Variants in KYNU observed in about 807,000 individuals in gnomAD.
KYNU encodes the protein kynureninase.
A neutral mutation model predicts 59.2 loss-of-function variants in KYNU; 54 were observed. The ratio of observed to expected loss-of-function variants is 0.91; its 90% CI spans 0.73 to 1.14. KYNU has a LOEUF of 1.14. KYNU is among the 50% of genes most tolerant of loss of function. KYNU has a pLI of 0.00. For missense variants in KYNU, 567 were observed against 554.4 expected (o/e 1.02, Z -0.23); for synonymous variants, 177 against 192.0 (o/e 0.92, Z 0.65).
intron 2 of KYNU, among the ~76,000 whole-genome samples, chr2:142,898,476 A>G (rs1681960060): frequency 1.3e-5 from 2 of 152,160 alleles, no homozygotes; most frequent in South Asian, 4.1e-4. Flanking sequence ...AAGGGAAAAA[A>G]AAAATCAATT....
chr2:142,945,090 T>A (rs1167804163), intron 4 of KYNU, among the ~76,000 whole-genome samples: 1 of 152,216 alleles, frequency 6.6e-6, no homozygotes, highest in Non-Finnish European at 1.5e-5. Flanking sequence ...TGCTGACCAA[T>A]TGGGATGGTG....
intron 4 of KYNU, among the ~76,000 whole-genome samples, chr2:142,950,303 G>A (rs1232605387): frequency 6.6e-6 from 1 of 152,128 alleles, no homozygotes; most frequent in Non-Finnish European, 1.5e-5. Context: ...TTTCAGCAAT[G>A]TCCCATTCTG....
chr2:142,942,970 T>C (rs1303508524), intron 4 of KYNU, among the ~76,000 whole-genome samples: 3 of 152,212 alleles, frequency 2.0e-5, no homozygotes, highest in African/African-American at 7.2e-5. Context: ...GAAGGTCACA[T>C]AAGAGACATT....
Position 143,051,360 on chromosome 2 carries a change from A to G in KYNU, c.*9188A>G, listed in dbSNP as rs1687262623. The G allele has an allele frequency of 6.6e-6, 1 of 152,116 alleles. No individual in the cohort carries two copies. The highest frequency in any genetic ancestry group is 2.1e-4 in the South Asian group (1 of 4,828). The allele number at this position is 152,116 out of a possible 1,614,324, so 9.4% of individuals were successfully genotyped here. A position where few individuals can be genotyped will look rare whatever the true frequency, so the allele number is the denominator to read the frequency against. ...TTTCAGAGAAAAACCTTCTTTATAA[A>G]CCAGAATCTTAACAGGAAGAGTGCT... On this transcript the variant is annotated 3_prime_UTR_variant, in exon 14 of 14. Transcript: ENST00000264170.
rs372144733 is a variant in KYNU, at chr2:142,985,112, A to C, written c.758A>C (p.His253Pro). 12 of 1,610,840 alleles carry C rather than the reference A, an allele frequency of 7.4e-6. No individual in the cohort carries two copies. In the South Asian group the frequency reaches 1.3e-4, roughly 18 times the overall value. ...KGCYVGFDLAHAVGNVELYLH... is the reference protein window; with the variant it reads ...KGCYVGFDLAPAVGNVELYLH... ...TGTTATGTTGGCTTTGATCTAGCACATGCAGTTGGAAATGTTGAACTCTAC... is the reference window on the plus strand; with the variant it reads ...TGTTATGTTGGCTTTGATCTAGCACCTGCAGTTGGAAATGTTGAACTCTAC... Residue 253 changes from histidine (H) to proline (P), a missense_variant, in exon 9 of 14, where the codon CAT (histidine) becomes CCT (proline). Coordinates refer to ENST00000264170, the MANE Select transcript of KYNU (RefSeq NM_003937.3).
chr2:143,024,291 T>C (rs746250275), intron 10 of KYNU, among the ~76,000 whole-genome samples: 7 of 151,986 alleles, frequency 4.6e-5, no homozygotes, highest in Non-Finnish European at 1.0e-4. Context: ...CACATATCAT[T>C]TCCTATTTAC....
In KYNU at chr2:143,052,480, A is replaced by T. The variant is rs887589356; in HGVS notation, c.*10308A>T. ...CACAGACCAGGAGCTTTAGAAGGAA[A>T]AATGGCTTCGTGGGCTGGTCACAGG... On this transcript the variant is annotated 3_prime_UTR_variant, in exon 14 of 14. Coordinates refer to ENST00000264170, the MANE Select transcript of KYNU (RefSeq NM_003937.3). 1.4e-4 allele frequency: 22 copies of T among 152,374 alleles called. No individual in the cohort carries two copies. Among genetic ancestry groups the T allele is most frequent in the African/African-American group, 5.3e-4 (22 of 41,568 alleles). The allele number at this position is 152,374 out of a possible 1,614,324, so 9.4% of individuals were successfully genotyped here.
rs1425136959 is a variant in KYNU, at chr2:142,986,080, A to T, written c.902+59A>T. ...GAACAAATTAATTTGCATTAATAAT[A>T]TGTTAAATTTACATGAGTTCCTTAA... is the stretch of plus-strand genomic sequence containing the variant. On this transcript the variant is annotated intron_variant, in intron 10 of 13. Coordinates refer to ENST00000264170, the MANE Select transcript of KYNU (RefSeq NM_003937.3). 5.9e-6 allele frequency: 7 copies of T among 1,187,984 alleles called. No homozygotes were observed. In the East Asian group the frequency reaches 1.6e-4, roughly 28 times the overall value. 73.6% of individuals were successfully genotyped at this position (1,187,984 alleles called of 1,614,324 possible). A position where few individuals can be genotyped will look rare whatever the true frequency, so the allele number is the denominator to read the frequency against.
At chr2:143,003,291 G>A (rs990921470) in intron 10 of KYNU, among the ~76,000 whole-genome samples, 2 of 151,526 alleles carry the variant, frequency 1.3e-5, no homozygotes, top group African/African-American at 4.8e-5. Flanking sequence ...CAGCTGGGGG[G>A]GGTGGCTCAC....
intron 9 of KYNU, 46 bp downstream of exon 9, chr2:142,985,228 T>G (rs2105158785): frequency 1.7e-6 from 2 of 1,189,800 alleles, no homozygotes; most frequent in Non-Finnish European, 2.5e-6. Flanking sequence ...TCACATTGAC[T>G]TTAATCTGAA....
rs537079361 is a variant in KYNU, at chr2:142,940,108, C to T, written c.373+12367C>T. 6.6e-5 allele frequency among the ~76,000 whole-genome samples: 10 copies of T among 152,116 alleles called. 1 individual carries two copies. In the East Asian group the frequency reaches 1.5e-3, roughly 23 times the overall value. ...ATCCTGAATTGCATTTAAAAGTGTG[C>T]GAAATATTTGTGTAATAAATCCTTC... is the stretch of plus-strand genomic sequence containing the variant. On this transcript the variant is annotated intron_variant, in intron 4 of 13. Coordinates refer to ENST00000264170, the MANE Select transcript of KYNU (RefSeq NM_003937.3).
Position 143,055,677 on chromosome 2 carries a change from AGG to A in KYNU, c.*13506_*13507del. On this transcript the variant is annotated 3_prime_UTR_variant, in exon 14 of 14. Coordinates refer to ENST00000264170, the MANE Select transcript of KYNU (RefSeq NM_003937.3). Reference sequence around the variant, plus strand: ...AAGGAAGGAAGGAAGGAAGGAAGGAAGGAAGGAAAGGGAGGAGAGGAGAGGAG... The same window carrying A: ...AAGGAAGGAAGGAAGGAAGGAAGGAAAAGGAAAGGGAGGAGAGGAGAGGAG... 6.6e-6 allele frequency: 1 copy of A among 151,876 alleles called. No homozygotes were observed. The highest frequency in any genetic ancestry group is 6.6e-5 in the Admixed American group (1 of 15,170). 9.4% of individuals were successfully genotyped at this position (151,876 alleles called of 1,614,324 possible).
chr2:142,982,222 A>C (rs1428735392), intron 8 of KYNU, among the ~76,000 whole-genome samples: 1 of 152,108 alleles, frequency 6.6e-6, no homozygotes, highest in Non-Finnish European at 1.5e-5. Context: ...ATAGTAAACT[A>C]CACTTGGTAA....
At chr2:143,038,556 C>T (rs1476605583) in intron 12 of KYNU, among the ~76,000 whole-genome samples, 1 of 152,102 alleles carries the variant, frequency 6.6e-6, no homozygotes, top group Non-Finnish European at 1.5e-5. Flanking sequence ...CTCTCGGGAG[C>T]TTATGAAGCC....
intron 10 of KYNU, among the ~76,000 whole-genome samples, chr2:143,002,521 G>T (rs559800331): frequency 6.6e-6 from 1 of 152,122 alleles, no homozygotes; most frequent in East Asian, 1.9e-4. Context: ...GATATACCCA[G>T]CAATCATCAT....
chr2:143,027,415 C>T (rs1013117640), intron 10 of KYNU, among the ~76,000 whole-genome samples: 5 of 152,084 alleles, frequency 3.3e-5, no homozygotes, highest in African/African-American at 1.2e-4. Flanking sequence ...ATGGTCTCAT[C>T]TTTACATTAT....
chr2:142,925,204 C>T lies in KYNU; in HGVS notation c.291-2455C>T, dbSNP rs13423803. On this transcript the variant is annotated intron_variant, in intron 3 of 13. Transcript: ENST00000264170. ...GGATCCAAGTATCTTCCTTTAACTACCATTTAATGATAATGATTTTTGTCT... is the reference window on the plus strand; with the variant it reads ...GGATCCAAGTATCTTCCTTTAACTATCATTTAATGATAATGATTTTTGTCT... Among the ~76,000 whole-genome samples, 1,511 of 152,246 alleles carry T rather than the reference C, an allele frequency of 9.9e-3. 26 individuals are homozygous for T. Among genetic ancestry groups the T allele is most frequent in the South Asian group, 0.063 (304 of 4,824 alleles).
chr2:142,966,915 A>C (rs1421151636), intron 8 of KYNU, among the ~76,000 whole-genome samples: 2 of 152,084 alleles, frequency 1.3e-5, no homozygotes, highest in East Asian at 3.9e-4. Flanking sequence ...TTTTTTAGGC[A>C]GAAAGTGAAA....
chr2:142,918,164 G>A (rs1682730641), intron 2 of KYNU, among the ~76,000 whole-genome samples: 1 of 152,096 alleles, frequency 6.6e-6, no homozygotes, highest in Non-Finnish European at 1.5e-5. Context: ...CTTAAGTTAT[G>A]TAAATAATTA....
Sources: allele counts gnomAD v4.1 joint callset (sites outside exome capture counted in the v4.1 genomes callset), GRCh38; gene constraint gnomAD v4.1.1; transcripts MANE v1.5; gene names NCBI Gene and HGNC (gene_info 2026-07-23, HGNC 2026-07-21).